Variants in GPC6 observed in about 807,000 individuals in gnomAD.
GPC6 encodes the protein glypican 6.
GPC6 carries 14 observed loss-of-function variants against 55.2 expected under a neutral mutation model. The observed-to-expected ratio is 0.25, with a 90% CI of 0.17 to 0.40. GPC6 has a LOEUF of 0.40. Ranked by LOEUF, GPC6 falls within the 10% of genes least tolerant of loss-of-function variation. GPC6 has a pLI of 1.00. For missense variants in GPC6, 641 were observed against 708.5 expected, an observed-to-expected ratio of 0.90 and a Z score of 1.08; for synonymous variants, 278 against 259.6, an observed-to-expected ratio of 1.07 and a Z score of -0.68.
At chr13:93,704,217 A>G (rs1882769359) in intron 2 of GPC6, among the ~76,000 whole-genome samples, 1 of 151,820 alleles carries the variant, frequency 6.6e-6, no homozygotes, top group Admixed American at 6.6e-5. Flanking sequence ...AAGTAGCTAG[A>G]TTATTTTCTG....
intron 1 of GPC6, among the ~76,000 whole-genome samples, chr13:93,350,692 T>C (rs996948670): frequency 6.6e-6 from 1 of 152,150 alleles, no homozygotes; most frequent in Non-Finnish European, 1.5e-5. Flanking sequence ...TTGTAGAATA[T>C]TTTATACGAA....
chr13:93,941,367 C>G (rs1429762881), intron 3 of GPC6, among the ~76,000 whole-genome samples: 2 of 152,084 alleles, frequency 1.3e-5, no homozygotes, highest in Non-Finnish European at 2.9e-5. Context: ...GTGAGTTGAT[C>G]TATGATATCC....
At chr13:93,246,434 G>A (rs113890707) in intron 1 of GPC6, among the ~76,000 whole-genome samples, 1,778 of 152,086 alleles carry the variant, frequency 0.012, 13 homozygotes, top group Non-Finnish European at 0.019. Context: ...TAAGATTGCA[G>A]TGATGTTGAG....
chr13:93,234,779 C>A (rs1025083853), intron 1 of GPC6, among the ~76,000 whole-genome samples: 1 of 151,894 alleles, frequency 6.6e-6, no homozygotes. Flanking sequence ...AATTGAATTA[C>A]CATGGCAATA....
At chr13:93,684,264 C>T (rs1030004000) in intron 2 of GPC6, among the ~76,000 whole-genome samples, 5 of 152,134 alleles carry the variant, frequency 3.3e-5, no homozygotes, top group Non-Finnish European at 7.3e-5. Context: ...TGGCTCACTG[C>T]AACCTGCGCC....
intron 6 of GPC6, among the ~76,000 whole-genome samples, chr13:94,336,141 C>T (rs1041024167): frequency 2.6e-5 from 4 of 152,060 alleles, no homozygotes; most frequent in African/African-American, 4.8e-5. Flanking sequence ...ACACCCGAGC[C>T]GCAGGTGTAG....
chr13:93,594,442 A>T (rs898084288), intron 2 of GPC6, among the ~76,000 whole-genome samples: 3 of 152,106 alleles, frequency 2.0e-5, no homozygotes, highest in African/African-American at 7.2e-5. Flanking sequence ...TGTATATCAT[A>T]TAATAGTATA....
intron 4 of GPC6, among the ~76,000 whole-genome samples, chr13:94,145,375 T>C (rs908950748): frequency 6.6e-6 from 1 of 152,134 alleles, no homozygotes; most frequent in Non-Finnish European, 1.5e-5. Flanking sequence ...TTAGGCCTTT[T>C]CCAATAGGCC....
chr13:94,125,831 C>T (rs1276503931), intron 4 of GPC6, among the ~76,000 whole-genome samples: 1 of 151,872 alleles, frequency 6.6e-6, no homozygotes, highest in Non-Finnish European at 1.5e-5. Context: ...AACTCCAGAC[C>T]TTTCATACAC....
intron 3 of GPC6, among the ~76,000 whole-genome samples, chr13:93,992,267 T>A (rs1881346625): frequency 6.6e-6 from 1 of 151,902 alleles, no homozygotes; most frequent in South Asian, 2.1e-4. Flanking sequence ...TACTTCTTTT[T>A]ATGTTTTATT....
chr13:93,430,293 G>C (rs1306824969), intron 1 of GPC6, among the ~76,000 whole-genome samples: 1 of 151,826 alleles, frequency 6.6e-6, no homozygotes, highest in Admixed American at 6.6e-5. Context: ...ATTAAGAATA[G>C]AGAGAGTTCC....
rs73551891 is a variant in GPC6, at chr13:94,354,168, A to T, written c.1153-28246A>T. The stretch of plus-strand genomic sequence containing the variant: ...TATTCTGTTCTTTTCCCACATGCTC[A>T]TCTAGTCAAACTTCTGCTCTCCAAG... On this transcript the variant is annotated intron_variant, in intron 6 of 8. Transcript: ENST00000377047. 2.8e-4 allele frequency among the ~76,000 whole-genome samples: 42 copies of T among 152,196 alleles called. 1 individual carries two copies. Among genetic ancestry groups the T allele is most frequent in the African/African-American group, 7.5e-4 (31 of 41,510 alleles).
At chr13:94,214,867 C>T (rs1198118900) in intron 4 of GPC6, among the ~76,000 whole-genome samples, 2 of 152,180 alleles carry the variant, frequency 1.3e-5, no homozygotes, top group Non-Finnish European at 2.9e-5. Context: ...GAAATAGATA[C>T]ACTTAATTAA....
intron 1 of GPC6, among the ~76,000 whole-genome samples, chr13:93,265,123 T>TATGCAAAATGC (rs1238411630): frequency 6.6e-6 from 1 of 152,166 alleles, no homozygotes; most frequent in Admixed American, 6.5e-5. Flanking sequence ...TTCAAAACCA[T>TATGCAAAATGC]TGATGCTACT....
At chr13:94,141,232 G>A (rs1022258478) in intron 4 of GPC6, among the ~76,000 whole-genome samples, 9 of 152,136 alleles carry the variant, frequency 5.9e-5, no homozygotes, top group Non-Finnish European at 8.8e-5. Context: ...ATCTTGAAGC[G>A]GGGGCTTATA....
chr13:93,361,581 C>T (rs1355913390), intron 1 of GPC6, among the ~76,000 whole-genome samples: 1 of 152,070 alleles, frequency 6.6e-6, no homozygotes, highest in Non-Finnish European at 1.5e-5. Flanking sequence ...TTTTCTAAAT[C>T]TTCTATAATA....
intron 2 of GPC6, among the ~76,000 whole-genome samples, chr13:93,613,523 C>CAAA (rs1393296387): frequency 3.0e-5 from 4 of 132,240 alleles, no homozygotes; most frequent in African/African-American, 1.1e-4. Flanking sequence ...CACACACACA[C>CAAA]ACACAAAACA....
intron 1 of GPC6, among the ~76,000 whole-genome samples, chr13:93,338,856 C>T (rs1880134716): frequency 6.6e-6 from 1 of 152,062 alleles, no homozygotes; most frequent in South Asian, 2.1e-4. Flanking sequence ...AATGGGCTAC[C>T]TCCATCTTCC....
At chr13:93,286,325 CAT>C (rs1594074141) in intron 1 of GPC6, among the ~76,000 whole-genome samples, 1 of 152,190 alleles carries the variant, frequency 6.6e-6, no homozygotes. Context: ...GGTCCCATGA[CAT>C]GTGAGGATTA....
Sources: gnomAD v4.1 joint callset for allele counts (sites outside exome capture counted in the v4.1 genomes callset) on GRCh38, gnomAD v4.1.1 for gene constraint, MANE v1.5 for transcripts, NCBI Gene and HGNC (gene_info 2026-07-23, HGNC 2026-07-21) for gene names.